The following STX18 variants were observed in gnomAD, a reference collection of about 807,000 sequenced individuals.
STX18 encodes the protein syntaxin-18.
In STX18, 40 loss-of-function variants were observed where a neutral mutation model predicts 50.1. The observed-to-expected ratio is 0.80, with a 90% CI of 0.62 to 1.04. The LOEUF (loss-of-function observed/expected upper bound fraction) is 1.04, where lower values mean the gene tolerates loss of function less well. Ranked by LOEUF, STX18 falls within the 50% of genes least tolerant of loss-of-function variation. STX18 has a pLI of 0.00. For synonymous variants in STX18, 158 were observed against 151.8 expected (o/e 1.04, Z -0.30); for missense variants, 410 against 415.8 (o/e 0.99, Z 0.12).
At chr4:4,421,248 G>A (rs146024354) in intron 9 of STX18, among the ~76,000 whole-genome samples, 17 of 152,078 alleles carry the variant, frequency 1.1e-4, no homozygotes, top group East Asian at 1.9e-4. Context: ...TTTATGAAAC[G>A]GAAACTCACG....
At chr4:4,542,182 A>C (rs1731647669), upstream of STX18, 2 of 527,566 alleles carry the variant, frequency 3.8e-6, no homozygotes, top group East Asian at 3.6e-5. Flanking sequence ...GAACCTCGCG[A>C]CGCGCTCTCG....
chr4:4,531,124 C>A (rs1577408064), intron 1 of STX18, among the ~76,000 whole-genome samples: 1 of 151,462 alleles, frequency 6.6e-6, no homozygotes, highest in African/African-American at 2.4e-5. Flanking sequence ...TACTGATTTA[C>A]AACACATCCT....
In STX18 at chr4:4,420,808, C is replaced by G; in HGVS notation, c.912+56G>C. ...GCTGTGCCGGCGAGACTAACACCCG[C>G]TGCTGGGACTCAGTGCTGCGCCACG... On this transcript the variant is annotated intron_variant, in intron 10 of 10. Transcript: ENST00000306200. The surrounding 1 kb of genome is among the most constrained non-coding windows in gnomAD (Gnocchi z 4.3). 4.0e-6 allele frequency: 6 copies of G among 1,504,642 alleles called. No homozygotes were observed. The highest frequency in any genetic ancestry group is 5.5e-6 in the Non-Finnish European group (6 of 1,081,402). 93.2% of individuals were successfully genotyped at this position (1,504,642 alleles called of 1,614,324 possible). A position where few individuals can be genotyped will look rare whatever the true frequency, so the allele number is the denominator to read the frequency against.
At chr4:4,526,623 T>C (rs1472742478) in intron 1 of STX18, among the ~76,000 whole-genome samples, 2 of 152,180 alleles carry the variant, frequency 1.3e-5, no homozygotes, top group East Asian at 1.9e-4. Flanking sequence ...CGGGAAAGTA[T>C]AGAAGCAAAT....
chr4:4,515,118 A>G (rs558340529), intron 1 of STX18, among the ~76,000 whole-genome samples: 8 of 152,296 alleles, frequency 5.3e-5, no homozygotes, highest in African/African-American at 1.9e-4. Flanking sequence ...TCTCTCCCCA[A>G]TGACAAAGTC....
chr4:4,482,248 T>C (rs1331459476), intron 1 of STX18, among the ~76,000 whole-genome samples: 1 of 152,252 alleles, frequency 6.6e-6, no homozygotes, highest in Non-Finnish European at 1.5e-5. Flanking sequence ...TCCATAGCTT[T>C]ATTTACTGTC....
chr4:4,540,778 G>A (rs747619387), intron 1 of STX18, among the ~76,000 whole-genome samples: 3 of 152,158 alleles, frequency 2.0e-5, no homozygotes, highest in Non-Finnish European at 4.4e-5. Context: ...AGTATCCTCT[G>A]CTAACTGTCA....
chr4:4,491,364 G>A (rs546753331), intron 1 of STX18, among the ~76,000 whole-genome samples: 2 of 152,122 alleles, frequency 1.3e-5, no homozygotes, highest in Non-Finnish European at 2.9e-5. Flanking sequence ...CTCAATTAAA[G>A]TTTTAGTAAA....
intron 5 of STX18, among the ~76,000 whole-genome samples, chr4:4,445,336 G>A (rs1269453767): frequency 2.0e-5 from 3 of 152,212 alleles, no homozygotes; most frequent in Non-Finnish European, 4.4e-5. Flanking sequence ...AACTCGGGAG[G>A]TGGAGGTTGC....
intron 1 of STX18, among the ~76,000 whole-genome samples, chr4:4,521,257 G>A (rs185347760): frequency 3.7e-4 from 56 of 152,302 alleles, no homozygotes; most frequent in African/African-American, 1.1e-3. Context: ...GGTACAGGCC[G>A]ATCTGCATGG....
In STX18 at chr4:4,419,314, A is replaced by T. The variant is rs988725123; in HGVS notation, c.*720T>A. On this transcript the variant is annotated 3_prime_UTR_variant, in exon 11 of 11. Transcript: ENST00000306200. ...CCAGTGGCGGGAAACTGGCCCTCCC[A>T]CACCCCCTGCCTGTTCTGGGGGCAG... The T allele has an allele frequency of 6.6e-6, 1 of 151,974 alleles. No homozygotes were observed. Among genetic ancestry groups the T allele is most frequent in the Admixed American group, 6.6e-5 (1 of 15,248 alleles). 9.4% of individuals were successfully genotyped at this position (151,974 alleles called of 1,614,324 possible).
chr4:4,461,232 A>G (rs1023278340), intron 2 of STX18, among the ~76,000 whole-genome samples: 1 of 152,220 alleles, frequency 6.6e-6, no homozygotes, highest in African/African-American at 2.4e-5. Context: ...AACCTTCTAA[A>G]TTGAAAATTG....
intron 6 of STX18, among the ~76,000 whole-genome samples, chr4:4,435,078 T>A (rs1445542990): frequency 6.6e-6 from 1 of 152,126 alleles, no homozygotes; most frequent in African/African-American, 2.4e-5. Context: ...TGTGTGTGTG[T>A]GATGGGGAGG....
At chr4:4,474,712 T>C (rs2108840025) in intron 1 of STX18, among the ~76,000 whole-genome samples, 1 of 152,272 alleles carries the variant, frequency 6.6e-6, no homozygotes, top group Non-Finnish European at 1.5e-5. Flanking sequence ...GTTGCTGGTT[T>C]TGAAGATGGG....
At chr4:4,486,092 C>T (rs879794323) in intron 1 of STX18, among the ~76,000 whole-genome samples, 6 of 152,226 alleles carry the variant, frequency 3.9e-5, no homozygotes, top group Non-Finnish European at 8.8e-5. Flanking sequence ...CAATTCCTCA[C>T]TTGTGTGCTT....
rs1731048502 is a variant in STX18, at chr4:4,530,627, C to CTTTGT, written c.168+11165_168+11169dup. 3.3e-5 allele frequency among the ~76,000 whole-genome samples: 5 copies of CTTTGT among 152,172 alleles called. 1 individual carries two copies. In the South Asian group the frequency reaches 8.3e-4, roughly 25 times the overall value. On this transcript the variant is annotated intron_variant, in intron 1 of 10. Coordinates refer to ENST00000306200, the MANE Select transcript of STX18 (RefSeq NM_016930.4). Reference sequence around the variant, plus strand: ...AGAAAAGAAACACTGCTGCTGCAAACTTTGTTTTGTTTTGTTTTTCCTAGC... The same window carrying CTTTGT: ...AGAAAAGAAACACTGCTGCTGCAAACTTTGTTTTGTTTTGTTTTGTTTTTCCTAGC...
chr4:4,488,537 G>A (rs1314030277), intron 1 of STX18, among the ~76,000 whole-genome samples: 2 of 152,122 alleles, frequency 1.3e-5, no homozygotes, highest in Non-Finnish European at 2.9e-5. Flanking sequence ...CAATGTAGAC[G>A]AAATCTCCTA....
intron 6 of STX18, 47 bp downstream of exon 6, chr4:4,438,347 T>C (rs374817909): frequency 4.9e-6 from 7 of 1,420,672 alleles, no homozygotes; most frequent in Admixed American, 1.7e-5. Flanking sequence ...CTTGCCAACA[T>C]GTCACAAGGA....
At chr4:4,507,028 A>C (rs1056700006) in intron 1 of STX18, 1 of 417,642 alleles carries the variant, frequency 2.4e-6, no homozygotes, top group Non-Finnish European at 4.6e-6. Flanking sequence ...AATAACACTT[A>C]AATTTTTAAA....
Sources: gnomAD v4.1 joint callset for allele counts (sites outside exome capture counted in the v4.1 genomes callset) on GRCh38, gnomAD v4.1.1 for gene constraint, Gnocchi (gnomAD v3.1) non-coding constraint, MANE v1.5 for transcripts, NCBI Gene and HGNC (gene_info 2026-07-23, HGNC 2026-07-21) for gene names.